Variants in ZFP64 observed in about 807,000 individuals in gnomAD.
ZFP64 encodes ZFP64 zinc finger protein, also known as zinc finger protein 64.
Under a neutral mutation model 51.6 loss-of-function variants are expected in ZFP64, and 14 were observed. That is an observed-to-expected ratio of 0.27 (90% confidence interval 0.18 to 0.42). The LOEUF (loss-of-function observed/expected upper bound fraction) is 0.42. ZFP64 is among the 10% of genes least tolerant of loss of function. The pLI, the probability that ZFP64 is intolerant of heterozygous loss-of-function variation, is 1.00. For synonymous variants in ZFP64, 375 were observed against 361.4 expected (o/e 1.04, Z -0.43); for missense variants, 754 against 906.8 (o/e 0.83, Z 2.16).
intron 1 of ZFP64, among the ~76,000 whole-genome samples, chr20:52,189,273 G>A (rs970826287): frequency 2.6e-5 from 4 of 151,704 alleles, no homozygotes; most frequent in African/African-American, 9.7e-5. Flanking sequence ...GCACGTGCCA[G>A]TAATCCCAGC....
At chr20:52,170,764 T>C (rs1025733031) in intron 2 of ZFP64, among the ~76,000 whole-genome samples, 3 of 152,228 alleles carry the variant, frequency 2.0e-5, no homozygotes, top group Admixed American at 1.3e-4. Context: ...TTAGGTACTG[T>C]ACTGACTGTG....
chr20:52,105,512 C>T (rs889139288), intron 5 of ZFP64: 13 of 398,496 alleles, frequency 3.3e-5, no homozygotes, highest in Non-Finnish European at 5.0e-5. Flanking sequence ...ACCCCAGACC[C>T]GCTGAATCAG....
chr20:52,171,356 CATATGT>C (rs1316273525), intron 2 of ZFP64, among the ~76,000 whole-genome samples: 1 of 151,176 alleles, frequency 6.6e-6, no homozygotes, highest in African/African-American at 2.5e-5. Context: ...GGTGTGTGTG[CATATGT>C]GTATGTGTAT....
rs553243531 is a variant in ZFP64, at chr20:52,093,567, A to G, written c.976+3806T>C. On this transcript the variant is annotated intron_variant, in intron 7 of 8. Coordinates refer to the ZFP64 transcript ENST00000361387. ...TAGCATTGCCTTCAATTATGGATGT[A>G]GGCAATAAACCACACTAGTAACAGT... is the stretch of plus-strand genomic sequence containing the variant. Among the ~76,000 whole-genome samples, 204 of 152,344 alleles carry G rather than the reference A, an allele frequency of 1.3e-3. 1 individual carries two copies. Among genetic ancestry groups the G allele is most frequent in the Non-Finnish European group, 2.2e-3 (150 of 68,042 alleles).
At chr20:52,097,365 A>T in intron 7 of ZFP64, 2 of 1,612,530 alleles carry the variant, frequency 1.2e-6, no homozygotes, top group South Asian at 2.2e-5. Context: ...AACAGAATGG[A>T]TACCTACCCG....
At chr20:52,108,147 C>G (rs1231045041) in intron 5 of ZFP64, among the ~76,000 whole-genome samples, 1 of 152,056 alleles carries the variant, frequency 6.6e-6, no homozygotes, top group African/African-American at 2.4e-5. Context: ...GGAAGCTGAC[C>G]CTTGGAAGCT....
chr20:52,091,547 A>G (rs1295118153), intron 7 of ZFP64, among the ~76,000 whole-genome samples: 3 of 152,220 alleles, frequency 2.0e-5, no homozygotes, highest in African/African-American at 7.2e-5. Context: ...CAGTATGTAG[A>G]TAAAAGTCAA....
At chr20:52,089,821 T>C (rs777537554) in intron 7 of ZFP64, among the ~76,000 whole-genome samples, 1 of 151,846 alleles carries the variant, frequency 6.6e-6, no homozygotes, top group Admixed American at 6.6e-5. Flanking sequence ...GGTTCATCTA[T>C]GGTAAAAATG....
At chr20:52,176,758 C>T (rs1269323928) in intron 2 of ZFP64, among the ~76,000 whole-genome samples, 1 of 152,074 alleles carries the variant, frequency 6.6e-6, no homozygotes. Flanking sequence ...ATCCACCCGC[C>T]TCGGCCTCCC....
rs2078857665 is a variant in ZFP64 at position 52,085,764 on chromosome 20, T to C, written c.1229-498A>G. ...GTATTTCAAGTTAAAGTTTCTTACT[T>C]TTATAACTACAGGCTAAATTTTATT... On this transcript the variant is annotated intron_variant, in intron 8 of 8. Transcript: ENST00000361387. This position sits in a 1 kb window ranked among gnomAD's most constrained non-coding sequence, Gnocchi z 4.3. Among the ~76,000 whole-genome samples, 1 of 152,242 alleles carries C rather than the reference T, an allele frequency of 6.6e-6. No homozygotes were observed. Among genetic ancestry groups the C allele is most frequent in the Non-Finnish European group, 1.5e-5 (1 of 68,040 alleles).
intron 5 of ZFP64, among the ~76,000 whole-genome samples, chr20:52,108,903 CAA>C (rs1491155595): frequency 2.0e-5 from 3 of 148,222 alleles, no homozygotes; most frequent in South Asian, 4.3e-4. Flanking sequence ...CACACACACA[CAA>C]ACTTACAGGG....
At chr20:52,109,271 C>T (rs1419731019) in intron 5 of ZFP64, among the ~76,000 whole-genome samples, 1 of 152,052 alleles carries the variant, frequency 6.6e-6, no homozygotes, top group Non-Finnish European at 1.5e-5. Context: ...TCATGCAATT[C>T]TCCTGCCTCA....
chr20:52,111,525 T>C (rs139266447), intron 5 of ZFP64, among the ~76,000 whole-genome samples: 2 of 152,108 alleles, frequency 1.3e-5, no homozygotes. Context: ...TCCGATTTTT[T>C]TTTTTAATAG....
rs1417435071 is a variant in ZFP64, at chr20:52,094,430, G to A, written c.976+2943C>T. 4.6e-5 allele frequency among the ~76,000 whole-genome samples: 7 copies of A among 152,146 alleles called. No homozygotes were observed. The East Asian group carries it at 5.8e-4, about 13-fold the overall frequency. On this transcript the variant is annotated intron_variant, in intron 7 of 8. Coordinates refer to the ZFP64 transcript ENST00000361387. ...ACAAACATAAATCAGTCTCCTTTAC[G>A]AAGCTAAATAAATGCCACAGGACCA...
intron 5 of ZFP64, among the ~76,000 whole-genome samples, chr20:52,154,027 T>C (rs1981104800): frequency 6.6e-6 from 1 of 152,112 alleles, no homozygotes; most frequent in Admixed American, 6.5e-5. Flanking sequence ...ATCCAGCTGC[T>C]TGATTTTTTT....
At chr20:52,150,860 A>G (rs556940406), downstream of ZFP64, among the ~76,000 whole-genome samples, 28 of 152,316 alleles carry the variant, frequency 1.8e-4, no homozygotes, top group Admixed American at 4.6e-4. Context: ...ATCAAACAGC[A>G]TTTCAATGTA....
downstream of ZFP64, among the ~76,000 whole-genome samples, chr20:52,151,100 T>C (rs1205986104): frequency 6.6e-6 from 1 of 152,198 alleles, no homozygotes; most frequent in Admixed American, 6.5e-5. Flanking sequence ...GTGGGATGGA[T>C]CACTTTATCA....
intron 5 of ZFP64, among the ~76,000 whole-genome samples, chr20:52,159,668 T>C (rs1159397595): frequency 6.6e-6 from 1 of 151,806 alleles, no homozygotes; most frequent in Admixed American, 6.6e-5. Flanking sequence ...CTGACCAATA[T>C]GGCAAAACCC....
At chr20:52,095,678 ATCTTT>A (rs910870213) in intron 7 of ZFP64, among the ~76,000 whole-genome samples, 1 of 152,174 alleles carries the variant, frequency 6.6e-6, no homozygotes, top group Non-Finnish European at 1.5e-5. Context: ...ACAAGGCCTT[ATCTTT>A]TATGTCCTGG....
Sources: allele counts gnomAD v4.1 joint callset (sites outside exome capture counted in the v4.1 genomes callset), GRCh38; gene constraint gnomAD v4.1.1; non-coding constraint Gnocchi (gnomAD v3.1); transcripts MANE v1.5; gene names NCBI Gene and HGNC (gene_info 2026-07-23, HGNC 2026-07-21).